GLIS3: variants seen among roughly 807,000 people sequenced by gnomAD.
The protein encoded by GLIS3 is GLIS family zinc finger 3, also known as zinc finger protein GLIS3.
In GLIS3, 53 loss-of-function variants were observed where a neutral mutation model predicts 78.6. That is an observed-to-expected ratio of 0.67 (90% CI 0.54 to 0.85). The LOEUF is 0.85. GLIS3 is among the 40% of genes least tolerant of loss of function. GLIS3 has a pLI of 0.00. For missense variants in GLIS3, 1,703 were observed against 1,231.1 expected (o/e 1.38, Z -5.74); for synonymous variants, 684 against 509.9 (o/e 1.34, Z -4.60).
At chr9:4,233,860 G>C (rs187437516) in intron 2 of GLIS3, among the ~76,000 whole-genome samples, 4 of 152,288 alleles carry the variant, frequency 2.6e-5, no homozygotes, top group Non-Finnish European at 1.5e-5. Context: ...ATTTTAGTTA[G>C]ATCTCCTGGA....
intron 4 of GLIS3, among the ~76,000 whole-genome samples, chr9:4,082,024 C>T (rs1828589914): frequency 6.6e-6 from 1 of 152,182 alleles, no homozygotes. Context: ...CATCCAAAGA[C>T]AGAGGACAGA....
At chr9:3,973,404 G>A (rs935511729) in intron 4 of GLIS3, among the ~76,000 whole-genome samples, 1 of 152,130 alleles carries the variant, frequency 6.6e-6, no homozygotes, top group African/African-American at 2.4e-5. Flanking sequence ...TCCTGGCATG[G>A]CCTGTCCCAC....
chr9:4,101,646 G>C (rs1271178277), intron 4 of GLIS3, among the ~76,000 whole-genome samples: 1 of 152,132 alleles, frequency 6.6e-6, no homozygotes, highest in Non-Finnish European at 1.5e-5. Flanking sequence ...TCCTGATTAA[G>C]ATTCAGAAAG....
At chr9:4,336,711 C>T (rs533183262) in intron 2 of GLIS3, among the ~76,000 whole-genome samples, 2 of 152,294 alleles carry the variant, frequency 1.3e-5, no homozygotes, top group South Asian at 2.1e-4. Context: ...TTATGGGAAA[C>T]GTGCGATGTT....
chr9:4,154,381 G>T (rs1393661948), intron 2 of GLIS3, among the ~76,000 whole-genome samples: 1 of 152,142 alleles, frequency 6.6e-6, no homozygotes, highest in Non-Finnish European at 1.5e-5. Flanking sequence ...GGGAAATAAA[G>T]AGATAAATAT....
Position 3,869,823 on chromosome 9 carries a change from A to T in GLIS3, c.2297+9604T>A, listed in dbSNP as rs536421511. The stretch of plus-strand genomic sequence containing the variant: ...ACCAAAAGCTAACAATTCAGTTAGC[A>T]TGGAGACATCTGGTAAATAGCATAT... On this transcript the variant is annotated intron_variant, in intron 8 of 10. Transcript: ENST00000381971. 9.8e-5 allele frequency among the ~76,000 whole-genome samples: 15 copies of T among 152,306 alleles called. No individual in the cohort carries two copies. The South Asian group carries it at 3.1e-3, about 32-fold the overall frequency.
intron 2 of GLIS3, among the ~76,000 whole-genome samples, chr9:4,196,072 C>T (rs1461980134): frequency 6.6e-6 from 1 of 151,406 alleles, no homozygotes; most frequent in African/African-American, 2.4e-5. Context: ...GTGAATGGAC[C>T]AATCAGCACT....
the GLIS3 span, among the ~76,000 whole-genome samples, chr9:4,440,529 C>G: frequency 2.0e-5 from 3 of 152,166 alleles, no homozygotes; most frequent in African/African-American, 7.2e-5. Context: ...CTATTCTGTT[C>G]CATTAGTTTG....
chr9:4,087,269 G>T (rs989521034), intron 4 of GLIS3, among the ~76,000 whole-genome samples: 2 of 152,086 alleles, frequency 1.3e-5, no homozygotes, highest in Non-Finnish European at 2.9e-5. Flanking sequence ...CCTTATTTAG[G>T]CCATGGATAA....
intron 4 of GLIS3, among the ~76,000 whole-genome samples, chr9:4,086,509 G>T (rs867976036): frequency 1.7e-4 from 26 of 152,136 alleles, no homozygotes; most frequent in African/African-American, 6.3e-4. Flanking sequence ...ATTACATTGG[G>T]GTGAATTCAA....
intron 4 of GLIS3, chr9:4,054,548 T>C (rs972534187): frequency 3.1e-6 from 3 of 954,930 alleles, no homozygotes; most frequent in Admixed American, 6.2e-5. Context: ...ATCTGATCAG[T>C]GCGGAGCAGG....
the GLIS3 span, among the ~76,000 whole-genome samples, chr9:4,448,101 G>A: frequency 6.6e-6 from 1 of 152,036 alleles, no homozygotes; most frequent in Admixed American, 6.6e-5. Flanking sequence ...ACTGGTACCG[G>A]TTACTAAAGT....
intron 2 of GLIS3, among the ~76,000 whole-genome samples, chr9:4,236,572 TG>T (rs1381255911): frequency 6.6e-6 from 1 of 152,062 alleles, no homozygotes; most frequent in Non-Finnish European, 1.5e-5. Flanking sequence ...AAAACCTGGG[TG>T]GAAAAAAATA....
intron 6 of GLIS3, among the ~76,000 whole-genome samples, chr9:3,913,740 G>T (rs1418579492): frequency 6.6e-6 from 1 of 152,044 alleles, no homozygotes; most frequent in Non-Finnish European, 1.5e-5. Flanking sequence ...TAGCACTCGT[G>T]ATTTTCTACA....
At chr9:4,102,880 G>A (rs558617163) in intron 4 of GLIS3, among the ~76,000 whole-genome samples, 7 of 151,736 alleles carry the variant, frequency 4.6e-5, no homozygotes, top group South Asian at 2.1e-4. Context: ...TCTTTTCTAT[G>A]TCATCCTTAA....
At chr9:4,221,716 T>C (rs1044689749) in intron 2 of GLIS3, among the ~76,000 whole-genome samples, 4 of 152,142 alleles carry the variant, frequency 2.6e-5, no homozygotes, top group South Asian at 2.1e-4. Flanking sequence ...AGATAACATA[T>C]GGAAACACAT....
At chr9:4,454,922 AT>A in the GLIS3 span, among the ~76,000 whole-genome samples, 1 of 152,092 alleles carries the variant, frequency 6.6e-6, no homozygotes, top group Non-Finnish European at 1.5e-5. Flanking sequence ...TTAATTCTAC[AT>A]TTTTCCTTAA....
the GLIS3 span, among the ~76,000 whole-genome samples, chr9:4,354,167 G>C: frequency 6.6e-6 from 1 of 152,200 alleles, no homozygotes; most frequent in Admixed American, 6.5e-5. Flanking sequence ...AGCCAAGAGG[G>C]CTTTTTAAAA....
At chr9:4,331,003 C>T (rs1320007532) in intron 2 of GLIS3, among the ~76,000 whole-genome samples, 2 of 152,172 alleles carry the variant, frequency 1.3e-5, no homozygotes, top group Non-Finnish European at 2.9e-5. Flanking sequence ...CACCATAAGA[C>T]TGTCCGGGAG....
Sources: allele counts gnomAD v4.1 joint callset (sites outside exome capture counted in the v4.1 genomes callset), GRCh38; gene constraint gnomAD v4.1.1; transcripts MANE v1.5; gene names NCBI Gene and HGNC (gene_info 2026-07-23, HGNC 2026-07-21).